The following SPEG variants were observed in gnomAD, a reference collection of about 807,000 sequenced individuals.
The protein encoded by SPEG is striated muscle preferentially expressed protein kinase.
Under a neutral mutation model 300.4 loss-of-function variants are expected in SPEG, and 114 were observed. The observed-to-expected ratio is 0.38, with a 90% confidence interval of 0.33 to 0.44. The LOEUF (loss-of-function observed/expected upper bound fraction) is 0.44. SPEG is among the 20% of genes least tolerant of loss of function. SPEG has a pLI of 1.00. For synonymous variants in SPEG, 1,964 were observed against 2,018.9 expected (o/e 0.97, Z 0.73); for missense variants, 4,201 against 4,586.2 (o/e 0.92, Z 2.43).
chr2:219,478,083 G>T lies in SPEG; in HGVS notation c.5005G>T (p.Gly1669Ter). The change falls in exon 22 of 41, where the codon GGA (glycine) becomes TGA (stop). Residue 1669 changes from glycine to a stop codon, truncating the protein, a stop_gained. Transcript: ENST00000312358. LOFTEE classifies it high-confidence loss of function. The part of the protein sequence containing the change: ...YFHEAFERRR[G>*]LVIVTELCTE... Reference sequence around the variant, plus strand: ...CCATGAGGCCTTCGAGAGGCGCCGGGGACTGGTCATTGTCACCGAGCTGTA... The same window carrying T: ...CCATGAGGCCTTCGAGAGGCGCCGGTGACTGGTCATTGTCACCGAGCTGTA... 1 of 1,614,116 alleles carries T rather than the reference G, an allele frequency of 6.2e-7. No homozygotes were observed. Among genetic ancestry groups the T allele is most frequent in the South Asian group, 1.1e-5 (1 of 91,086 alleles).
chr2:219,464,777 G>A lies in SPEG; in HGVS notation c.2881+169G>A. On this transcript the variant is annotated intron_variant, in intron 9 of 40. Coordinates refer to ENST00000312358, the MANE Select transcript of SPEG (RefSeq NM_005876.5). The surrounding 1 kb of genome is among the most constrained non-coding windows in gnomAD (Gnocchi z 4.5). ...TTGAGTGAACCAAAGCCCAGAGACA[G>A]GAAGTGACCTGCCCAAAGCTGCACA... 1 of 623,484 alleles carries A rather than the reference G, an allele frequency of 1.6e-6. No individual in the cohort carries two copies. The highest frequency in any genetic ancestry group is 2.8e-6 in the Non-Finnish European group (1 of 357,338). 38.6% of individuals were successfully genotyped at this position (623,484 alleles called of 1,614,324 possible).
At chr2:219,467,866 T>C (rs1284947314) in intron 10 of SPEG, among the ~76,000 whole-genome samples, 1 of 152,198 alleles carries the variant, frequency 6.6e-6, no homozygotes. Flanking sequence ...CAAAGGGCCT[T>C]TCCAGGAGAG....
At chr2:219,453,436 C>T (rs551899223) in intron 6 of SPEG, among the ~76,000 whole-genome samples, 8 of 152,240 alleles carry the variant, frequency 5.3e-5, no homozygotes, top group East Asian at 3.8e-4. Flanking sequence ...GCGTTATTAA[C>T]GGGTGCTGTT....
Position 219,448,585 on chromosome 2 carries a change from C to T in SPEG, c.1427C>T (p.Ser476Leu). 1.4e-6 allele frequency: 2 copies of T among 1,456,092 alleles called. No homozygotes were observed. The highest frequency in any genetic ancestry group is 9.0e-7 in the Non-Finnish European group (1 of 1,111,224). 90.2% of individuals were successfully genotyped at this position (1,456,092 alleles called of 1,614,324 possible). A position where few individuals can be genotyped will look rare whatever the true frequency, so the allele number is the denominator to read the frequency against. The change falls in exon 4 of 41, where the codon TCG (serine) becomes TTG (leucine). Residue 476 changes from serine (S) to leucine (L), a missense_variant. Ser to Leu is a moderately radical substitution (Grantham distance 145). This residue lies in a region of SPEG where 1,258 missense variants were observed against 1,293.9 expected (regional missense o/e 0.97). Coordinates refer to ENST00000312358, the MANE Select transcript of SPEG (RefSeq NM_005876.5). ...CGCCTGTTCCAGCAGAAAGCGGCCT[C>T]GCTGGACGAGCGCACGCGTCAGCGC... ...RRRLFQQKAASLDERTRQRSP... is the reference protein window; with the variant it reads ...RRRLFQQKAALLDERTRQRSP...
chr2:219,466,162 A>G, intron 9 of SPEG: 1 of 1,528,024 alleles, frequency 6.5e-7, no homozygotes, highest in Non-Finnish European at 8.8e-7. Flanking sequence ...CCTCCTGCCC[A>G]CAGACCCAGG....
chr2:219,473,290 C>T lies in SPEG; in HGVS notation c.4147+194C>T. ...CAGGGCACGGTGGCTGAAGCTCAGG[C>T]TTTGGGATCGGGCCTGCTGGGGTCC... On this transcript the variant is annotated intron_variant, in intron 16 of 40. Transcript: ENST00000312358. This position sits in a 1 kb window ranked among gnomAD's most constrained non-coding sequence, Gnocchi z 4.6. 2 of 751,298 alleles carry T rather than the reference C, an allele frequency of 2.7e-6. No homozygotes were observed. The highest frequency in any genetic ancestry group is 4.3e-6 in the Non-Finnish European group (2 of 468,952). The allele number at this position is 751,298 out of a possible 1,614,324, so 46.5% of individuals were successfully genotyped here.
intron 8 of SPEG, 120 bp downstream of exon 8, chr2:219,462,506 G>T: frequency 1.3e-6 from 1 of 772,232 alleles, no homozygotes; most frequent in Non-Finnish European, 2.1e-6. Context: ...TCTGCCTCAG[G>T]GGCCTCATCT....
Position 219,484,002 on chromosome 2 carries a change from G to T in SPEG, c.6539G>T (p.Arg2180Leu), listed in dbSNP as rs1353097072. The T allele has an allele frequency of 7.4e-6, 12 of 1,612,422 alleles. No individual in the cohort carries two copies. The highest frequency in any genetic ancestry group is 1.0e-5 in the Non-Finnish European group (12 of 1,179,832). Residue 2180 changes from arginine (R) to leucine (L), a missense_variant, in exon 30 of 41, where the codon CGG becomes CTG. Coordinates refer to ENST00000312358, the MANE Select transcript of SPEG (RefSeq NM_005876.5). The part of the protein sequence containing the change: ...LSEAQPSSPA[R>L]PSAPKPSTPK... ...GAGGCCCAGCCATCCAGCCCTGCACGGCCCAGCGCCCCCAAACCCAGTACC... is the reference window on the plus strand; with the variant it reads ...GAGGCCCAGCCATCCAGCCCTGCACTGCCCAGCGCCCCCAAACCCAGTACC...
chr2:219,450,840 A>T (rs1303984962), intron 4 of SPEG: 7 of 271,556 alleles, frequency 2.6e-5, no homozygotes, highest in African/African-American at 1.5e-4. Flanking sequence ...AGACATACAC[A>T]GTGCAGTCCT....
chr2:219,473,231 C>G lies in SPEG; in HGVS notation c.4147+135C>G, dbSNP rs1692049242. On this transcript the variant is annotated intron_variant, in intron 16 of 40. Coordinates refer to ENST00000312358, the MANE Select transcript of SPEG (RefSeq NM_005876.5). This position sits in a 1 kb window ranked among gnomAD's most constrained non-coding sequence, Gnocchi z 4.6. Reference sequence around the variant, plus strand: ...AGCCTAGCCGGGCGGGACCTTGGCCCATCTGTACACTTCCTTCTCCCTCCT... The same window carrying G: ...AGCCTAGCCGGGCGGGACCTTGGCCGATCTGTACACTTCCTTCTCCCTCCT... The G allele has an allele frequency of 1.2e-6, 1 of 868,232 alleles. No homozygotes were observed. 53.8% of individuals were successfully genotyped at this position (868,232 alleles called of 1,614,324 possible). A position where few individuals can be genotyped will look rare whatever the true frequency, so the allele number is the denominator to read the frequency against.
At position 219,477,850 on chromosome 2, in the gene SPEG, G is replaced by C. The variant is rs1692493280; in HGVS notation, c.4827-55G>C. 1 of 1,599,706 alleles carries C rather than the reference G, an allele frequency of 6.3e-7. No homozygotes were observed. Among genetic ancestry groups the C allele is most frequent in the Non-Finnish European group, 8.6e-7 (1 of 1,168,872 alleles). On this transcript the variant is annotated intron_variant, in intron 21 of 40. Transcript: ENST00000312358. This position sits in a 1 kb window ranked among gnomAD's most constrained non-coding sequence, Gnocchi z 6.4. ...GCTGCTGGGTCTGAGGGTTGGGAGG[G>C]GTGGAGAGGGCCACAGTGATGGCTG...
intron 6 of SPEG, chr2:219,461,472 C>A: frequency 9.5e-7 from 1 of 1,052,762 alleles, no homozygotes; most frequent in Non-Finnish European, 1.1e-6. Context: ...AGCCATGCTG[C>A]TCCAGGGTTC....
chr2:219,436,732 T>C (rs754337277), intron 1 of SPEG, among the ~76,000 whole-genome samples: 9 of 152,108 alleles, frequency 5.9e-5, no homozygotes, highest in Non-Finnish European at 1.3e-4. Context: ...AAGGCTGGCG[T>C]CTCCTGGTTG....
At chr2:219,441,702 G>A in intron 1 of SPEG, 1 of 401,566 alleles carries the variant, frequency 2.5e-6, no homozygotes, top group Non-Finnish European at 5.1e-6. Flanking sequence ...GGCTCCGGAG[G>A]CAGATGCAGG....
Position 219,479,892 on chromosome 2 carries a change from T to C in SPEG, c.5163+32T>C, listed in dbSNP as rs761742012. ...TGGGGACTGGAGAGCAGACAGCCCC[T>C]GTGGGAGCCAGGAGGTGAAGCATCC... On this transcript the variant is annotated intron_variant, in intron 24 of 40. Transcript: ENST00000312358. The surrounding 1 kb of genome is among the most constrained non-coding windows in gnomAD (Gnocchi z 5.5). The C allele has an allele frequency of 2.5e-6, 4 of 1,613,796 alleles. No individual in the cohort carries two copies. Among genetic ancestry groups the C allele is most frequent in the South Asian group, 1.1e-5 (1 of 91,080 alleles).
intron 11 of SPEG, 30 bp from the exon 12 acceptor site, chr2:219,468,829 G>T: frequency 6.2e-7 from 1 of 1,608,654 alleles, no homozygotes; most frequent in Admixed American, 1.7e-5. Flanking sequence ...CACTGTGCCT[G>T]CTCTGCATTC....
Position 219,489,612 on chromosome 2 carries a change from C to T in SPEG, c.8594C>T (p.Thr2865Ile), listed in dbSNP as rs1358719210. 3 of 1,613,798 alleles carry T rather than the reference C, an allele frequency of 1.9e-6. No homozygotes were observed. The highest frequency in any genetic ancestry group is 1.7e-5 in the Admixed American group (1 of 60,014). ...CCAGCGGAGCCCACCCTACCCAGTA[C>T]CCACGTCACCCCAAGTGAGCCCAAG... ...ARPAEPTLPS[T>I]HVTPSEPKPF... Residue 2865 changes from threonine (T) to isoleucine (I), a missense_variant, in exon 36 of 41, where the codon ACC (threonine) becomes ATC (isoleucine). Coordinates refer to ENST00000312358, the MANE Select transcript of SPEG (RefSeq NM_005876.5).
At chr2:219,492,433 T>G (rs577378922) in intron 40 of SPEG, among the ~76,000 whole-genome samples, 161 bp from the exon 41 acceptor site, 33 of 152,336 alleles carry the variant, frequency 2.2e-4, no homozygotes, top group African/African-American at 7.7e-4. Context: ...GCAGACTCAC[T>G]GTCCCCATTC....
At position 219,445,088 on chromosome 2, in the gene SPEG, A is replaced by T. The variant is rs555007869; in HGVS notation, c.742A>T (p.Ser248Cys). The change falls in exon 3 of 41, where the codon AGC (serine) becomes TGC (cysteine). Residue 248 changes from serine to cysteine, a missense_variant. Ser to Cys is a moderately radical substitution (Grantham distance 112). Coordinates refer to ENST00000312358, the MANE Select transcript of SPEG (RefSeq NM_005876.5). The surrounding 1 kb of genome is among the most constrained non-coding windows in gnomAD (Gnocchi z 6.1). The part of the protein sequence containing the change: ...LVGASWGSED[S>C]LSVASDLYGS... ...GGGCGCAAGCTGGGGGTCAGAGGAT[A>T]GCCTTTCCGTGGCCAGTGACCTGTA... 6.2e-7 allele frequency: 1 copy of T among 1,603,730 alleles called. No homozygotes were observed. Among genetic ancestry groups the T allele is most frequent in the South Asian group, 1.1e-5 (1 of 89,802 alleles).
Sources: allele counts gnomAD v4.1 joint callset (sites outside exome capture counted in the v4.1 genomes callset), GRCh38; gene constraint gnomAD v4.1.1; regional missense constraint gnomAD v4.1.1; non-coding constraint Gnocchi (gnomAD v3.1); transcripts MANE v1.5; gene names NCBI Gene and HGNC (gene_info 2026-07-23, HGNC 2026-07-21).